Variants in UST observed in about 807,000 individuals in gnomAD.
UST encodes the protein chondroitin sulfate 2-O-sulfotransferase.
In UST, 21 loss-of-function variants were observed where a neutral mutation model predicts 45.6. The ratio of observed to expected loss-of-function variants is 0.46; its 90% CI spans 0.33 to 0.66. UST has a LOEUF of 0.66. Ranked by LOEUF, UST falls within the 30% of genes least tolerant of loss-of-function variation. The pLI, the probability that UST is intolerant of heterozygous loss-of-function variation, is 0.02. For synonymous variants in UST, 215 were observed against 200.6 expected, an observed-to-expected ratio of 1.07 and a Z score of -0.61; for missense variants, 463 against 512.4, an observed-to-expected ratio of 0.90 and a Z score of 0.93.
intron 3 of UST, among the ~76,000 whole-genome samples, chr6:148,949,983 C>T (rs556420610): frequency 3.9e-5 from 6 of 152,260 alleles, no homozygotes; most frequent in Admixed American, 6.5e-5. Flanking sequence ...GATACCATCA[C>T]GTATTTGGTT....
intron 4 of UST, among the ~76,000 whole-genome samples, chr6:148,959,444 C>T (rs2114950623): frequency 6.6e-6 from 1 of 152,220 alleles, no homozygotes; most frequent in East Asian, 1.9e-4. Flanking sequence ...TCCTTAAATA[C>T]AGCGCAGAAG....
At chr6:148,824,311 C>A (rs1256441375) in intron 1 of UST, among the ~76,000 whole-genome samples, 7 of 152,174 alleles carry the variant, frequency 4.6e-5, no homozygotes, top group African/African-American at 7.2e-5. Flanking sequence ...TGATTCAGGC[C>A]AAGATCTATG....
chr6:148,864,061 G>A (rs549016018), intron 1 of UST, among the ~76,000 whole-genome samples: 34 of 152,342 alleles, frequency 2.2e-4, no homozygotes, highest in African/African-American at 7.9e-4. Context: ...GTCTGCAGAG[G>A]TTTCTGCTGC....
chr6:148,788,006 A>G (rs1474919500), intron 1 of UST, among the ~76,000 whole-genome samples: 1 of 152,210 alleles, frequency 6.6e-6, no homozygotes, highest in Non-Finnish European at 1.5e-5. Flanking sequence ...GCTGATAAAG[A>G]TGTACCCGAG....
chr6:148,800,774 ATTT>A (rs35096958), intron 1 of UST, among the ~76,000 whole-genome samples: 6 of 116,948 alleles, frequency 5.1e-5, no homozygotes, highest in Admixed American at 9.5e-5. Flanking sequence ...TTCAGATCAG[ATTT>A]TTTTTTTTTT....
intron 1 of UST, among the ~76,000 whole-genome samples, chr6:148,751,511 T>C (rs1428375208): frequency 6.6e-6 from 1 of 152,140 alleles, no homozygotes; most frequent in African/African-American, 2.4e-5. Flanking sequence ...CCTAGTCAAT[T>C]TGGGGAAAGG....
chr6:149,034,977 A>C (rs1776221131), intron 7 of UST, among the ~76,000 whole-genome samples: 1 of 151,414 alleles, frequency 6.6e-6, no homozygotes. Flanking sequence ...GGATACTTTC[A>C]GGCTTAAAAC....
At chr6:148,852,955 T>G (rs1476398673) in intron 1 of UST, among the ~76,000 whole-genome samples, 2 of 149,026 alleles carry the variant, frequency 1.3e-5, no homozygotes, top group Non-Finnish European at 3.0e-5. Context: ...GACACTTGTC[T>G]TCTTTTCTTT....
chr6:148,838,731 C>G (rs1458404571), intron 1 of UST, among the ~76,000 whole-genome samples: 1 of 152,054 alleles, frequency 6.6e-6, no homozygotes, highest in South Asian at 2.1e-4. Context: ...CCCTGTCACC[C>G]CTGTCTCTAC....
At chr6:148,961,416 C>T (rs914207561) in intron 4 of UST, among the ~76,000 whole-genome samples, 10 of 152,078 alleles carry the variant, frequency 6.6e-5, no homozygotes, top group East Asian at 3.9e-4. Flanking sequence ...AATTTTTTAG[C>T]GCTCCATAAA....
In UST at chr6:148,963,175, A is replaced by G. The variant is rs373969204; in HGVS notation, c.528-1235A>G. On this transcript the variant is annotated intron_variant, in intron 4 of 7. Coordinates refer to ENST00000367463, the MANE Select transcript of UST (RefSeq NM_005715.3). The stretch of plus-strand genomic sequence containing the variant: ...TTGCTGAGGGATGTGATGTGACTCC[A>G]GGCTGGGTTTTGAAAGGTGAATGGA... 2.7e-3 allele frequency among the ~76,000 whole-genome samples: 405 copies of G among 152,336 alleles called. 1 individual carries two copies. The highest frequency in any genetic ancestry group is 9.5e-3 in the African/African-American group (394 of 41,572).
intron 5 of UST, among the ~76,000 whole-genome samples, chr6:148,981,215 C>T (rs1312238232): frequency 6.6e-6 from 1 of 152,184 alleles, no homozygotes; most frequent in Non-Finnish European, 1.5e-5. Context: ...CTAGAATCCT[C>T]AACTTAATCC....
At chr6:148,800,321 G>A (rs1039497414) in intron 1 of UST, among the ~76,000 whole-genome samples, 5 of 152,188 alleles carry the variant, frequency 3.3e-5, no homozygotes, top group African/African-American at 1.2e-4. Context: ...ATCATAGTCA[G>A]AACTGAAGGT....
chr6:148,952,374 C>T (rs147837728), intron 3 of UST, among the ~76,000 whole-genome samples: 216 of 152,306 alleles, frequency 1.4e-3, no homozygotes, highest in African/African-American at 4.8e-3. Flanking sequence ...GACAGACAGA[C>T]CATTATTCAC....
chr6:148,777,070 G>A (rs960553685), intron 1 of UST, among the ~76,000 whole-genome samples: 3 of 152,168 alleles, frequency 2.0e-5, no homozygotes, highest in African/African-American at 7.2e-5. Context: ...AAAACAGCAG[G>A]AATGGCCCTC....
rs1041727462 is a variant in UST, at chr6:149,063,161, C to A, written c.938-10672C>A. On this transcript the variant is annotated intron_variant, in intron 7 of 7. Coordinates refer to ENST00000367463, the MANE Select transcript of UST (RefSeq NM_005715.3). The stretch of plus-strand genomic sequence containing the variant: ...GACAGCGCAGAGCCTGGAAGTCTAT[C>A]CCCCTGTGGCCCTGACTCTATGGCT... 1.5e-4 allele frequency among the ~76,000 whole-genome samples: 23 copies of A among 152,178 alleles called. 3 individuals are homozygous for A. Among genetic ancestry groups the A allele is most frequent in the Admixed American group, 1.3e-3 (20 of 15,290 alleles).
At chr6:148,869,579 C>G (rs759647339) in intron 1 of UST, among the ~76,000 whole-genome samples, 5 of 152,124 alleles carry the variant, frequency 3.3e-5, no homozygotes, top group Admixed American at 6.5e-5. Context: ...AAGCATAATC[C>G]CAGATGGGAT....
At chr6:148,966,721 G>A (rs577671667) in intron 5 of UST, among the ~76,000 whole-genome samples, 1 of 152,232 alleles carries the variant, frequency 6.6e-6, no homozygotes, top group South Asian at 2.1e-4. Context: ...ATTATGGTTT[G>A]GAGTTTCCAT....
intron 1 of UST, among the ~76,000 whole-genome samples, chr6:148,845,020 G>C (rs1228653593): frequency 6.6e-6 from 1 of 151,950 alleles, no homozygotes; most frequent in Non-Finnish European, 1.5e-5. Flanking sequence ...ACATAGTCTC[G>C]ATCCAATCCT....
Sources: allele counts gnomAD v4.1 joint callset (sites outside exome capture counted in the v4.1 genomes callset), GRCh38; gene constraint gnomAD v4.1.1; transcripts MANE v1.5; gene names NCBI Gene and HGNC (gene_info 2026-07-23, HGNC 2026-07-21).